ALG12: variants seen among roughly 807,000 people sequenced by gnomAD.
ALG12 encodes the protein ALG12 alpha-1,6-mannosyltransferase, also known as dol-P-Man:Man(7)GlcNAc(2)-PP-Dol alpha-1,6-mannosyltransferase.
A neutral mutation model predicts 46.0 loss-of-function variants in ALG12; 36 were observed. The ratio of observed to expected loss-of-function variants is 0.78; its 90% CI spans 0.60 to 1.03. The LOEUF is 1.03. Among genes scored for constraint, ALG12 ranks in the 50% least tolerant of loss-of-function variants. The probability of loss-of-function intolerance (pLI) is 0.00; values close to 1 mark genes in which losing one functional copy is unlikely to be tolerated. For synonymous variants in ALG12, 326 were observed against 291.6 expected (o/e 1.12, Z -1.20); for missense variants, 599 against 633.5 (o/e 0.95, Z 0.58).
At chr22:49,913,568 A>G (rs1217555321) in intron 2 of ALG12, 36 bp downstream of exon 2, 2 of 1,613,718 alleles carry the variant, frequency 1.2e-6, no homozygotes, top group Non-Finnish European at 1.7e-6. Context: ...AGCTGGTAAC[A>G]TGAGGTTTTC....
chr22:49,912,821 T>A (rs2060586287), intron 3 of ALG12, among the ~76,000 whole-genome samples: 1 of 151,962 alleles, frequency 6.6e-6, no homozygotes, highest in Non-Finnish European at 1.5e-5. Flanking sequence ...GAGCTATGAT[T>A]GCACCACTGC....
Position 49,909,228 on chromosome 22 carries a change from G to T in ALG12, c.768+16C>A, listed in dbSNP as rs558809803. On this transcript the variant is annotated intron_variant, in intron 6 of 9. Coordinates refer to ENST00000330817, the MANE Select transcript of ALG12 (RefSeq NM_024105.4). ...GGTCCCACCCATCGCCCTCCTGCAC[G>T]GACACTGAAGGATACCCCCCAGTTG... 1 of 1,611,304 alleles carries T rather than the reference G, an allele frequency of 6.2e-7. No homozygotes were observed. Among genetic ancestry groups the T allele is most frequent in the Non-Finnish European group, 8.5e-7 (1 of 1,177,562 alleles).
intron 2 of ALG12, 26 bp downstream of exon 2, chr22:49,913,578 C>T: frequency 6.2e-7 from 1 of 1,613,738 alleles, no homozygotes; most frequent in Non-Finnish European, 8.5e-7. Flanking sequence ...ATGAGGTTTT[C>T]CCCAAAGACA....
At chr22:49,863,382 A>G in the ALG12 span, among the ~76,000 whole-genome samples, 2 of 152,154 alleles carry the variant, frequency 1.3e-5, no homozygotes, top group Non-Finnish European at 2.9e-5. Context: ...TAATCCCAGC[A>G]CTTTGGGAGG....
intron 1 of ALG12, among the ~76,000 whole-genome samples, chr22:49,915,496 G>A (rs1401274045): frequency 6.6e-6 from 1 of 151,980 alleles, no homozygotes; most frequent in Non-Finnish European, 1.5e-5. Context: ...GGCAGAGGCC[G>A]CAGTGAGCCG....
At chr22:49,884,288 T>C in the ALG12 span, 1 of 1,612,814 alleles carries the variant, frequency 6.2e-7, no homozygotes, top group Non-Finnish European at 8.5e-7. Flanking sequence ...ATCAAACTTG[T>C]CCAGAAAGTG....
chr22:49,890,291 A>G, the ALG12 span, among the ~76,000 whole-genome samples: 1 of 152,186 alleles, frequency 6.6e-6, no homozygotes, highest in Non-Finnish European at 1.5e-5. Flanking sequence ...TGGACAACAG[A>G]GCAAGATCCT....
the ALG12 span, among the ~76,000 whole-genome samples, chr22:49,871,757 A>ATTT: frequency 0.09 from 5,583 of 62,064 alleles, 206 homozygotes; most frequent in Non-Finnish European, 0.21. Flanking sequence ...TTATTTATTT[A>ATTT]TTTTTTTTTT....
the ALG12 span, among the ~76,000 whole-genome samples, chr22:49,862,611 A>G: frequency 3.2e-4 from 48 of 151,108 alleles, no homozygotes; most frequent in East Asian, 1.4e-3. Flanking sequence ...GGCTGCCTCA[A>G]TCTTACTGTT....
intron 1 of ALG12, among the ~76,000 whole-genome samples, chr22:49,914,398 G>A (rs1158218448): frequency 3.3e-5 from 5 of 152,238 alleles, no homozygotes; most frequent in South Asian, 2.1e-4. Context: ...GGCTGTGGAC[G>A]CCTGCGCCGA....
chr22:49,893,761 C>T, the ALG12 span, among the ~76,000 whole-genome samples: 1 of 152,176 alleles, frequency 6.6e-6, no homozygotes, highest in African/African-American at 2.4e-5. Context: ...AAAACTATCT[C>T]TTAGAGTTCA....
At chr22:49,896,530 T>C (rs1233412673), downstream of ALG12, among the ~76,000 whole-genome samples, 2 of 152,268 alleles carry the variant, frequency 1.3e-5, no homozygotes, top group Non-Finnish European at 2.9e-5. Flanking sequence ...GCCCATTGTC[T>C]CTCTGCCACA....
At chr22:49,859,796 T>G in the ALG12 span, among the ~76,000 whole-genome samples, 1 of 152,224 alleles carries the variant, frequency 6.6e-6, no homozygotes, top group African/African-American at 2.4e-5. Context: ...GAGGCTGAGG[T>G]GGGGAGACCA....
At chr22:49,864,853 C>T in the ALG12 span, among the ~76,000 whole-genome samples, 10 of 128,912 alleles carry the variant, frequency 7.8e-5, no homozygotes, top group Non-Finnish European at 1.4e-4. Context: ...CTGATTAAAC[C>T]GTCGTAGAGC....
At chr22:49,883,520 A>C in the ALG12 span, 1 of 1,176,428 alleles carries the variant, frequency 8.5e-7, no homozygotes, top group Admixed American at 3.0e-5. Context: ...AGTACTATTT[A>C]TGATTAGCCA....
rs2060566053 is a variant in ALG12, at chr22:49,909,955, G to A, written c.603C>T (p.Asn201=). 7 of 1,613,972 alleles carry A rather than the reference G, an allele frequency of 4.3e-6. No individual in the cohort carries two copies. The South Asian group carries it at 6.6e-5, about 15-fold the overall frequency. ...GGGCTCTGACTACAGAAACCTTTCG[G>A]TTGCCCAAGGCCAGCAGCAGCAGGA... ...LGLLLLLALG[N]RKVSVVRALR... is the part of the protein sequence containing the mutation. The change falls in exon 5 of 10, where the codon AAC becomes AAT. Residue 201 remains asparagine (N), a synonymous_variant. Coordinates refer to ENST00000330817, the MANE Select transcript of ALG12 (RefSeq NM_024105.4).
the ALG12 span, among the ~76,000 whole-genome samples, chr22:49,876,816 T>C: frequency 0.11 from 17,144 of 152,230 alleles, 1,341 homozygotes; most frequent in African/African-American, 0.21. Flanking sequence ...TTAGTAGTGG[T>C]ATTTCCATTT....
the ALG12 span, chr22:49,884,281 A>G: frequency 5.6e-6 from 9 of 1,612,350 alleles, no homozygotes; most frequent in Non-Finnish European, 7.6e-6. Context: ...CTCACCCATC[A>G]AACTTGTCCA....
chr22:49,879,385 C>A, the ALG12 span, among the ~76,000 whole-genome samples: 2 of 151,932 alleles, frequency 1.3e-5, no homozygotes, highest in African/African-American at 4.8e-5. Flanking sequence ...CCTCATCCTC[C>A]CGAAGTGCTG....
Sources: gnomAD v4.1 joint callset for allele counts (sites outside exome capture counted in the v4.1 genomes callset) on GRCh38, gnomAD v4.1.1 for gene constraint, MANE v1.5 for transcripts, NCBI Gene and HGNC (gene_info 2026-07-23, HGNC 2026-07-21) for gene names.